ING2: variants seen among roughly 807,000 people sequenced by gnomAD.
The protein encoded by ING2 is inhibitor of growth protein 2.
In ING2, 7 loss-of-function variants were observed where a neutral mutation model predicts 30.6. That is an observed-to-expected ratio of 0.23 (90% CI 0.13 to 0.43). ING2 has a LOEUF of 0.43. Among genes scored for constraint, ING2 ranks in the 20% least tolerant of loss-of-function variants. The probability of loss-of-function intolerance (pLI) is 1.00; values close to 1 mark genes in which losing one functional copy is unlikely to be tolerated. For synonymous variants in ING2, 136 were observed against 121.7 expected, an observed-to-expected ratio of 1.12 and a Z score of -0.78; for missense variants, 239 against 334.9, an observed-to-expected ratio of 0.71 and a Z score of 2.24.
intron 1 of ING2, among the ~76,000 whole-genome samples, chr4:183,507,546 A>G (rs1734680577): frequency 6.6e-6 from 1 of 152,222 alleles, no homozygotes; most frequent in Non-Finnish European, 1.5e-5. Flanking sequence ...TAGCTCTGGT[A>G]ACATTAGTAA....
In ING2 at chr4:183,505,483, G is replaced by A. The variant is rs896226228; in HGVS notation, c.172+116G>A. 3.6e-6 allele frequency: 4 copies of A among 1,119,542 alleles called. No individual in the cohort carries two copies. The East Asian group carries it at 1.2e-4, about 33-fold the overall frequency. 69.4% of individuals were successfully genotyped at this position (1,119,542 alleles called of 1,614,324 possible). A position where few individuals can be genotyped will look rare whatever the true frequency, so the allele number is the denominator to read the frequency against. On this transcript the variant is annotated intron_variant, in intron 1 of 1. Transcript: ENST00000302327. ...CCCGAGCGCACCGAGGGTCTGCCGA[G>A]CGGGACTGGGAGGACTGGAGACCGG... is the stretch of plus-strand genomic sequence containing the variant.
intron 1 of ING2, among the ~76,000 whole-genome samples, chr4:183,507,839 C>A (rs1037610354): frequency 1.3e-5 from 2 of 152,034 alleles, no homozygotes; most frequent in African/African-American, 4.8e-5. Context: ...GAGACACTTT[C>A]AGAACTGCTG....
At position 183,505,191 on chromosome 4, in the gene ING2, G is replaced by A; in HGVS notation, c.-5G>A. The A allele has an allele frequency of 6.3e-7, 1 of 1,596,278 alleles. No individual in the cohort carries two copies. Among genetic ancestry groups the A allele is most frequent in the South Asian group, 1.1e-5 (1 of 89,488 alleles). On this transcript the variant is annotated 5_prime_UTR_variant, in exon 1 of 2. Coordinates refer to ENST00000302327, the MANE Select transcript of ING2 (RefSeq NM_001564.4). ...GAGGCGGCGGCGACGGCGCGGATCGGCAGGATGTTAGGGCAGCAGCAGCAG... is the reference window on the plus strand; with the variant it reads ...GAGGCGGCGGCGACGGCGCGGATCGACAGGATGTTAGGGCAGCAGCAGCAG...
Position 183,506,203 on chromosome 4 carries a change from G to A in ING2, c.172+836G>A, listed in dbSNP as rs1734642362. 3 of 1,303,066 alleles carry A rather than the reference G, an allele frequency of 2.3e-6. No individual in the cohort carries two copies. The South Asian group carries it at 3.7e-5, about 16-fold the overall frequency. 80.7% of individuals were successfully genotyped at this position (1,303,066 alleles called of 1,614,324 possible). A position where few individuals can be genotyped will look rare whatever the true frequency, so the allele number is the denominator to read the frequency against. ...GTGCGGGGGCGTTGGTTCGGCCCCA[G>A]CGGAGTCCGAATCGGGGTTTGCAGC... On this transcript the variant is annotated intron_variant, in intron 1 of 1. Transcript: ENST00000302327.
At position 183,511,150 on chromosome 4, in the gene ING2, C is replaced by T. The variant is rs1055160047; in HGVS notation, c.*198C>T. ...TACCAAATATTTCCAACCAGGTAGT[C>T]TTCAGATCACCTGATGAAAGGAGCA... is the stretch of plus-strand genomic sequence containing the variant. On this transcript the variant is annotated 3_prime_UTR_variant, in exon 2 of 2. Coordinates refer to ENST00000302327, the MANE Select transcript of ING2 (RefSeq NM_001564.4). 4 of 468,896 alleles carry T rather than the reference C, an allele frequency of 8.5e-6. No individual in the cohort carries two copies. The highest frequency in any genetic ancestry group is 1.5e-5 in the Non-Finnish European group (4 of 267,166). 29.0% of individuals were successfully genotyped at this position (468,896 alleles called of 1,614,324 possible). A position where few individuals can be genotyped will look rare whatever the true frequency, so the allele number is the denominator to read the frequency against.
In ING2 at chr4:183,511,044, CAATA is replaced by C; in HGVS notation, c.*94_*97del. The C allele has an allele frequency of 1.0e-6, 1 of 1,001,026 alleles. No homozygotes were observed. Among genetic ancestry groups the C allele is most frequent in the Non-Finnish European group, 1.4e-6 (1 of 695,250 alleles). The allele number at this position is 1,001,026 out of a possible 1,614,324, so 62.0% of individuals were successfully genotyped here. ...TTTAGGGTAAATGCATAAGACTATG[CAATA>C]ATTTTTAATCATTAGTATTAATGGT... On this transcript the variant is annotated 3_prime_UTR_variant, in exon 2 of 2. Coordinates refer to ENST00000302327, the MANE Select transcript of ING2 (RefSeq NM_001564.4).
chr4:183,510,373 A>G lies in ING2; in HGVS notation c.264A>G (p.Arg88=), dbSNP rs780364769. The change falls in exon 2 of 2, where the codon AGA becomes AGG. Residue 88 remains arginine, a synonymous_variant. Transcript: ENST00000302327. ...QKKRLQQLLQ[R]ALINSQELGD... ...AACGTCTACAGCAGCTTCTCCAGAG[A>G]GCACTAATTAATAGTCAAGAATTGG... 5.0e-6 allele frequency: 8 copies of G among 1,614,184 alleles called. No homozygotes were observed. Among genetic ancestry groups the G allele is most frequent in the East Asian group, 2.2e-5 (1 of 44,874 alleles).
rs1191333515 is a variant in ING2 at position 183,505,206 on chromosome 4, A to G, written c.11A>G (p.Gln4Arg). 25 of 1,586,238 alleles carry G rather than the reference A, an allele frequency of 1.6e-5. No homozygotes were observed. The highest frequency in any genetic ancestry group is 1.7e-4 in the Middle Eastern group (1 of 5,880). The change falls in exon 1 of 2, where the codon CAG becomes CGG. Residue 4 changes from glutamine to arginine, a missense_variant. Around this residue, in one of 5 missense-constraint regions of ING2, gnomAD observed 80 missense variants for 102.4 expected, o/e 0.78. Coordinates refer to ENST00000302327, the MANE Select transcript of ING2 (RefSeq NM_001564.4). ...GCGCGGATCGGCAGGATGTTAGGGC[A>G]GCAGCAGCAGCAACTGTACTCGTCG... Reference protein sequence around the residue: MLGQQQQQLYSSAA... With the variant: MLGRQQQQLYSSAA...
In ING2 at chr4:183,505,207, G is replaced by A. The variant is rs138103277; in HGVS notation, c.12G>A (p.Gln4=). 2,745 of 1,600,366 alleles carry A rather than the reference G, an allele frequency of 1.7e-3. 39 individuals are homozygous for A. The African/African-American group carries it at 0.032, about 19-fold the overall frequency. Residue 4 remains glutamine (Q), a synonymous_variant, in exon 1 of 2, where the codon CAG becomes CAA. Coordinates refer to ENST00000302327, the MANE Select transcript of ING2 (RefSeq NM_001564.4). MLG[Q]QQQQLYSSAA... is the part of the protein sequence containing the mutation. ...CGCGGATCGGCAGGATGTTAGGGCAGCAGCAGCAGCAACTGTACTCGTCGG... is the reference window on the plus strand; with the variant it reads ...CGCGGATCGGCAGGATGTTAGGGCAACAGCAGCAGCAACTGTACTCGTCGG...
At chr4:183,507,164 G>C (rs190129334) in intron 1 of ING2, among the ~76,000 whole-genome samples, 17 of 152,246 alleles carry the variant, frequency 1.1e-4, no homozygotes, top group Admixed American at 1.0e-3. Flanking sequence ...GCAGTGGCTC[G>C]ATCTTAGCTC....
intron 1 of ING2, among the ~76,000 whole-genome samples, chr4:183,508,280 G>T (rs1353619213): frequency 6.6e-6 from 1 of 151,774 alleles, no homozygotes; most frequent in Non-Finnish European, 1.5e-5. Flanking sequence ...CAATGTGCTG[G>T]TATGATATAT....
At position 183,510,253 on chromosome 4, in the gene ING2, C is replaced by T. The variant is rs777210095; in HGVS notation, c.173-29C>T. 8 of 1,444,660 alleles carry T rather than the reference C, an allele frequency of 5.5e-6. No homozygotes were observed. The East Asian group carries it at 6.8e-5, about 12-fold the overall frequency. The allele number at this position is 1,444,660 out of a possible 1,614,324, so 89.5% of individuals were successfully genotyped here. The stretch of plus-strand genomic sequence containing the variant: ...TGTTGTGTCTGCTAACACATGATAA[C>T]GTTCTCATTTTTCTTTTCCTTTTTT... On this transcript the variant is annotated intron_variant, in intron 1 of 1. Coordinates refer to ENST00000302327, the MANE Select transcript of ING2 (RefSeq NM_001564.4).
Position 183,512,271 on chromosome 4 carries a change from C to G in ING2, c.*1319C>G, listed in dbSNP as rs1385540270. On this transcript the variant is annotated 3_prime_UTR_variant, in exon 2 of 2. Coordinates refer to ENST00000302327, the MANE Select transcript of ING2 (RefSeq NM_001564.4). ...AAAAAATGCTTTTTTTCTCTTCTAG[C>G]TCTCCTGTGTGACTTTTAGGCATGT... Among the ~76,000 whole-genome samples the G allele has an allele frequency of 6.6e-6, 1 of 152,010 alleles. No individual in the cohort carries two copies. The highest frequency in any genetic ancestry group is 1.5e-5 in the Non-Finnish European group (1 of 68,008).
At chr4:183,505,538 G>A (rs1238965131) in intron 1 of ING2, among the ~76,000 whole-genome samples, 171 bp downstream of exon 1, 1 of 151,826 alleles carries the variant, frequency 6.6e-6, no homozygotes, top group Non-Finnish European at 1.5e-5. Flanking sequence ...CCCGCGGTGG[G>A]CGAGTACTTC....
At chr4:183,505,406 C>T (rs1212119587) in intron 1 of ING2, 39 bp downstream of exon 1, 1 of 1,504,368 alleles carries the variant, frequency 6.6e-7, no homozygotes, top group Non-Finnish European at 8.9e-7. Flanking sequence ...GAGCCGGTGG[C>T]GGGGAGCCTG....
chr4:183,505,514 C>T (rs1734614326), intron 1 of ING2, 147 bp downstream of exon 1: 7 of 819,334 alleles, frequency 8.5e-6, no homozygotes, highest in South Asian at 2.0e-5. Context: ...ACCGGGTTGG[C>T]GGCCCTCCGT....
At position 183,510,304 on chromosome 4, in the gene ING2, T is replaced by C; in HGVS notation, c.195T>C (p.Asp65=). The C allele has an allele frequency of 6.3e-7, 1 of 1,586,540 alleles. No individual in the cohort carries two copies. The highest frequency in any genetic ancestry group is 1.7e-4 in the Middle Eastern group (1 of 5,900). ...KYQETLKEID[D]VYEKYKKEDD... ...TAGAAACGTTAAAGGAAATTGATGA[T>C]GTCTACGAAAAATATAAGAAAGAAG... Residue 65 remains aspartate, a synonymous_variant, in exon 2 of 2, where the codon GAT becomes GAC. Transcript: ENST00000302327.
Position 183,511,032 on chromosome 4 carries a change from C to T in ING2, c.*80C>T. The T allele has an allele frequency of 9.2e-7, 1 of 1,084,958 alleles. No individual in the cohort carries two copies. Among genetic ancestry groups the T allele is most frequent in the Non-Finnish European group, 1.3e-6 (1 of 766,332 alleles). The allele number at this position is 1,084,958 out of a possible 1,614,324, so 67.2% of individuals were successfully genotyped here. ...TTCAGAAAATGTTTTAGGGTAAATGCATAAGACTATGCAATAATTTTTAAT... is the reference window on the plus strand; with the variant it reads ...TTCAGAAAATGTTTTAGGGTAAATGTATAAGACTATGCAATAATTTTTAAT... On this transcript the variant is annotated 3_prime_UTR_variant, in exon 2 of 2. Transcript: ENST00000302327.
Position 183,505,101 on chromosome 4 carries a change from C to A in ING2, c.-95C>A. The A allele has an allele frequency of 8.1e-7, 1 of 1,240,578 alleles. No homozygotes were observed. The highest frequency in any genetic ancestry group is 2.1e-5 in the South Asian group (1 of 46,956). The allele number at this position is 1,240,578 out of a possible 1,614,324, so 76.8% of individuals were successfully genotyped here. ...TCGAGCGGCTGCGGGGTCCCCGCGG[C>A]GCCGGGCTGCTGAGCTGAGGGCCCG... On this transcript the variant is annotated 5_prime_UTR_variant, in exon 1 of 2. Coordinates refer to ENST00000302327, the MANE Select transcript of ING2 (RefSeq NM_001564.4).
Sources: allele counts gnomAD v4.1 joint callset (sites outside exome capture counted in the v4.1 genomes callset), GRCh38; gene constraint gnomAD v4.1.1; regional missense constraint gnomAD v4.1.1; transcripts MANE v1.5; gene names NCBI Gene and HGNC (gene_info 2026-07-23, HGNC 2026-07-21).